MRPL48: variants seen among roughly 807,000 people sequenced by gnomAD.
The protein encoded by MRPL48 is mitochondrial ribosomal protein L48.
Under a neutral mutation model 32.9 loss-of-function variants are expected in MRPL48, and 16 were observed. That is an observed-to-expected ratio of 0.49 (90% CI 0.33 to 0.74). MRPL48 has a LOEUF of 0.74. MRPL48 is among the 30% of genes least tolerant of loss of function. MRPL48 has a pLI of 0.02. For synonymous variants in MRPL48, 94 were observed against 89.2 expected, an observed-to-expected ratio of 1.05 and a Z score of -0.31; for missense variants, 206 against 245.3, an observed-to-expected ratio of 0.84 and a Z score of 1.07.
chr11:73,807,209 G>T (rs1947469326), intron 2 of MRPL48, among the ~76,000 whole-genome samples: 1 of 152,062 alleles, frequency 6.6e-6, no homozygotes, highest in Non-Finnish European at 1.5e-5. Flanking sequence ...AATACATTTG[G>T]TGGTTTATTT....
chr11:73,836,259 C>G (rs558037965), intron 4 of MRPL48, among the ~76,000 whole-genome samples: 2 of 152,038 alleles, frequency 1.3e-5, no homozygotes, highest in South Asian at 4.1e-4. Flanking sequence ...GCTGGGACTA[C>G]AGGCGCCTGG....
intron 1 of MRPL48, among the ~76,000 whole-genome samples, chr11:73,803,323 G>T (rs1025854962): frequency 2.0e-5 from 3 of 151,886 alleles, no homozygotes; most frequent in Non-Finnish European, 4.4e-5. Context: ...GAGAGACGGG[G>T]TTTCACCATG....
chr11:73,849,508 G>A (rs1408995753), intron 5 of MRPL48, among the ~76,000 whole-genome samples: 1 of 152,122 alleles, frequency 6.6e-6, no homozygotes, highest in Non-Finnish European at 1.5e-5. Context: ...AAATCATATA[G>A]TATTTTTCTT....
chr11:73,788,472 CTT>C (rs11352308), intron 1 of MRPL48, among the ~76,000 whole-genome samples: 15,100 of 109,196 alleles, frequency 0.14, 713 homozygotes, highest in South Asian at 0.26. Flanking sequence ...TCTTTTCTTT[CTT>C]TTTTTTTTTT....
chr11:73,804,174 T>C (rs2134959650), intron 1 of MRPL48, among the ~76,000 whole-genome samples: 1 of 152,288 alleles, frequency 6.6e-6, no homozygotes, highest in African/African-American at 2.4e-5. Context: ...TACCTTGGCC[T>C]CCCAAAGTGC....
chr11:73,806,631 C>T (rs753975496), intron 2 of MRPL48, among the ~76,000 whole-genome samples: 7 of 152,208 alleles, frequency 4.6e-5, no homozygotes, highest in East Asian at 1.9e-4. Flanking sequence ...CCTAGGCCTA[C>T]GATGGTATCT....
intron 3 of MRPL48, among the ~76,000 whole-genome samples, chr11:73,824,079 C>A (rs958853219): frequency 6.6e-6 from 1 of 151,834 alleles, no homozygotes; most frequent in Non-Finnish European, 1.5e-5. Flanking sequence ...TGGTTTTGAA[C>A]TCCTGACCTC....
intron 3 of MRPL48, among the ~76,000 whole-genome samples, chr11:73,824,908 G>C (rs936951745): frequency 1.3e-5 from 2 of 152,092 alleles, no homozygotes; most frequent in African/African-American, 2.4e-5. Context: ...GGGACAAACT[G>C]AGAATCCGTC....
At position 73,864,772 on chromosome 11, in the gene MRPL48, A is replaced by G. The variant is rs544741960; in HGVS notation, c.*402A>G. On this transcript the variant is annotated 3_prime_UTR_variant, in exon 8 of 8. Coordinates refer to ENST00000310614, the MANE Select transcript of MRPL48 (RefSeq NM_016055.6). ...AGGAGCTTGAGACCAGCCTGGCAAC[A>G]TTCTGTCTTTACCAAAAACATTCTT... 4.3e-4 allele frequency: 84 copies of G among 196,690 alleles called. No individual in the cohort carries two copies. The highest frequency in any genetic ancestry group is 7.2e-4 in the Non-Finnish European group (69 of 95,304). 12.2% of individuals were successfully genotyped at this position (196,690 alleles called of 1,614,324 possible).
At chr11:73,823,654 GTTTTTTTTTTTTT>G (rs57616234) in intron 3 of MRPL48, among the ~76,000 whole-genome samples, 1 of 105,686 alleles carries the variant, frequency 9.5e-6, no homozygotes, top group Admixed American at 1.0e-4. Flanking sequence ...TTTCTTTTCT[GTTTTTTTTTTTTT>G]TTTTTTTTAA....
intron 2 of MRPL48, among the ~76,000 whole-genome samples, chr11:73,805,440 G>A (rs1242405136): frequency 6.6e-6 from 1 of 151,276 alleles, no homozygotes; most frequent in African/African-American, 2.4e-5. Context: ...GGCATTACAT[G>A]CACCTGCCAC....
In MRPL48 at chr11:73,863,187, G is replaced by C; in HGVS notation, c.490G>C (p.Ala164Pro). The change falls in exon 7 of 8, where the codon GCT (alanine) becomes CCT (proline). Residue 164 changes from alanine to proline, a missense_variant. Physicochemically the swap from Ala to Pro is conservative, Grantham distance 27 (BLOSUM62 -1). Transcript: ENST00000310614. ...CATTTTGCAGATCAGCGGTTTGAGTGCTACGTTTGCAGAAATTTTCTTGGA... is the reference window on the plus strand; with the variant it reads ...CATTTTGCAGATCAGCGGTTTGAGTCCTACGTTTGCAGAAATTTTCTTGGA... ...ERVVQISGLSATFAEIFLEII... is the reference protein window; with the variant it reads ...ERVVQISGLSPTFAEIFLEII... 6.3e-7 allele frequency: 1 copy of C among 1,583,502 alleles called. No homozygotes were observed. Among genetic ancestry groups the C allele is most frequent in the Non-Finnish European group, 8.6e-7 (1 of 1,164,526 alleles).
chr11:73,803,523 T>C (rs1947394256), intron 1 of MRPL48, among the ~76,000 whole-genome samples: 1 of 152,186 alleles, frequency 6.6e-6, no homozygotes, highest in Non-Finnish European at 1.5e-5. Context: ...TTTTCTCTAG[T>C]GTCCTTTTTC....
At chr11:73,838,739 G>A (rs895857401) in intron 4 of MRPL48, among the ~76,000 whole-genome samples, 1 of 152,176 alleles carries the variant, frequency 6.6e-6, no homozygotes, top group Admixed American at 6.5e-5. Context: ...CCCACTCACC[G>A]CAAGGTCTAG....
rs1380590048 is a variant in MRPL48 at position 73,813,383 on chromosome 11, AGG to A, written c.112+5034_112+5035del. Among the ~76,000 whole-genome samples, 6 of 152,100 alleles carry A rather than the reference AGG, an allele frequency of 3.9e-5. No individual in the cohort carries two copies. The East Asian group carries it at 9.8e-4, about 25-fold the overall frequency. ...GAGACAGGGTTTCACCATGTTGGTC[AGG>A]CTGGTCTCTAACTCCTGACCTCAGG... On this transcript the variant is annotated intron_variant, in intron 3 of 7. Coordinates refer to ENST00000310614, the MANE Select transcript of MRPL48 (RefSeq NM_016055.6).
chr11:73,838,727 T>G (rs1488648751), intron 4 of MRPL48, among the ~76,000 whole-genome samples: 1 of 152,198 alleles, frequency 6.6e-6, no homozygotes, highest in African/African-American at 2.4e-5. Context: ...AGAGGTTGGC[T>G]TCCCACTCAC....
chr11:73,800,296 G>A (rs1435733510), intron 1 of MRPL48, among the ~76,000 whole-genome samples: 1 of 151,670 alleles, frequency 6.6e-6, no homozygotes, highest in Non-Finnish European at 1.5e-5. Flanking sequence ...CTAGTAAATA[G>A]GACTCAATAA....
Position 73,864,423 on chromosome 11 carries a change from G to A in MRPL48, c.*53G>A, listed in dbSNP as rs926863459. The A allele has an allele frequency of 3.2e-6, 5 of 1,572,284 alleles. No individual in the cohort carries two copies. Among genetic ancestry groups the A allele is most frequent in the Non-Finnish European group, 4.4e-6 (5 of 1,146,660 alleles). On this transcript the variant is annotated 3_prime_UTR_variant, in exon 8 of 8. Transcript: ENST00000310614. ...TGGTCATATTGAGTGCCAAAGAGAA[G>A]AGCTTACTGGGTAGTTAGAGTTCAT...
intron 5 of MRPL48, among the ~76,000 whole-genome samples, chr11:73,858,571 G>A (rs1234501612): frequency 1.3e-5 from 2 of 152,174 alleles, no homozygotes; most frequent in African/African-American, 4.8e-5. Context: ...CACCGCGCCT[G>A]GCCTATTACA....
Sources: gnomAD v4.1 joint callset for allele counts (sites outside exome capture counted in the v4.1 genomes callset) on GRCh38, gnomAD v4.1.1 for gene constraint, MANE v1.5 for transcripts, NCBI Gene and HGNC (gene_info 2026-07-23, HGNC 2026-07-21) for gene names.